FBXO25: variants seen among roughly 807,000 people sequenced by gnomAD.
The protein encoded by FBXO25 is F-box protein 25, also known as F-box only protein 25.
In FBXO25, 45 loss-of-function variants were observed where a neutral mutation model predicts 51.9. The observed-to-expected ratio is 0.87, with a 90% CI of 0.68 to 1.11. The LOEUF (loss-of-function observed/expected upper bound fraction) is 1.11, where lower values mean the gene tolerates loss of function less well. Ranked by LOEUF, FBXO25 falls within the 50% of genes most tolerant of loss-of-function variation. The pLI is 0.00. For synonymous variants in FBXO25, 199 were observed against 151.0 expected, an observed-to-expected ratio of 1.32 and a Z score of -2.33; for missense variants, 507 against 428.5, an observed-to-expected ratio of 1.18 and a Z score of -1.62.
At chr8:453,080 C>G (rs1406764281) in intron 7 of FBXO25, among the ~76,000 whole-genome samples, 1 of 152,224 alleles carries the variant, frequency 6.6e-6, no homozygotes, top group Non-Finnish European at 1.5e-5. Flanking sequence ...GCAGAGCACA[C>G]TTACGTGGCA....
chr8:447,496 G>A lies in FBXO25; in HGVS notation c.382-2494G>A, dbSNP rs116438250. 9.5e-3 allele frequency among the ~76,000 whole-genome samples: 1,449 copies of A among 152,274 alleles called. 20 individuals carry two copies. The highest frequency in any genetic ancestry group is 0.033 in the African/African-American group (1,353 of 41,564). ...ATGAAAAAAACAGGAAACTCATGAAGGAGTTCTGTGGCAGGAGATCCCAGT... is the reference window on the plus strand; with the variant it reads ...ATGAAAAAAACAGGAAACTCATGAAAGAGTTCTGTGGCAGGAGATCCCAGT... On this transcript the variant is annotated intron_variant, in intron 5 of 9. Transcript: ENST00000350302.
At position 424,349 on chromosome 8, in the gene FBXO25, CAGA is replaced by C; in HGVS notation, c.135-6989_135-6987del. 2.6e-5 allele frequency among the ~76,000 whole-genome samples: 4 copies of C among 152,234 alleles called. No homozygotes were observed. In the Middle Eastern group the frequency reaches 0.014, roughly 518 times the overall value. On this transcript the variant is annotated intron_variant, in intron 2 of 9. Coordinates refer to ENST00000350302, the MANE Select transcript of FBXO25 (RefSeq NM_183420.2). ...TCTGTCAATAGTTTCTCTTGCTGTGCAGAAGCTCTTTCATTTAATTAAATTCTA... is the reference window on the plus strand; with the variant it reads ...TCTGTCAATAGTTTCTCTTGCTGTGCAGCTCTTTCATTTAATTAAATTCTA...
At chr8:451,924 G>T (rs1799125127) in intron 7 of FBXO25, among the ~76,000 whole-genome samples, 1 of 152,046 alleles carries the variant, frequency 6.6e-6, no homozygotes, top group Admixed American at 6.5e-5. Context: ...CAGTTTTTTT[G>T]ATATTTTTTC....
In FBXO25 at chr8:424,394, T is replaced by A. The variant is rs528256781; in HGVS notation, c.135-6947T>A. On this transcript the variant is annotated intron_variant, in intron 2 of 9. Coordinates refer to ENST00000350302, the MANE Select transcript of FBXO25 (RefSeq NM_183420.2). The stretch of plus-strand genomic sequence containing the variant: ...TAAATTCTACTTGCCAATTTTTGTT[T>A]TTGTTGCATTTGTTTTTGGGAACTT... 3.9e-5 allele frequency among the ~76,000 whole-genome samples: 6 copies of A among 152,322 alleles called. No homozygotes were observed. The South Asian group carries it at 6.2e-4, about 16-fold the overall frequency.
chr8:412,460 C>G (rs1001966724), intron 1 of FBXO25, among the ~76,000 whole-genome samples: 1 of 152,212 alleles, frequency 6.6e-6, no homozygotes, highest in Non-Finnish European at 1.5e-5. Flanking sequence ...CTACTTTCCT[C>G]CAGGTGACCC....
At chr8:419,154 G>A (rs1195970653) in intron 2 of FBXO25, among the ~76,000 whole-genome samples, 2 of 151,870 alleles carry the variant, frequency 1.3e-5, no homozygotes, top group Non-Finnish European at 2.9e-5. Context: ...GAGGTCAGGA[G>A]TTCAAGACCA....
intron 3 of FBXO25, among the ~76,000 whole-genome samples, chr8:432,248 G>A (rs895335484): frequency 1.9e-4 from 29 of 152,090 alleles, no homozygotes; most frequent in African/African-American, 4.3e-4. Flanking sequence ...TGTAGGACTC[G>A]CTTGACAAAG....
intron 2 of FBXO25, among the ~76,000 whole-genome samples, chr8:425,585 T>C (rs943191923): frequency 2.0e-5 from 3 of 150,880 alleles, no homozygotes; most frequent in East Asian, 1.9e-4. Context: ...TTTTCAGTTA[T>C]ATGTTTAAAT....
intron 5 of FBXO25, among the ~76,000 whole-genome samples, chr8:447,978 G>C (rs1192534819): frequency 6.6e-6 from 1 of 152,126 alleles, no homozygotes; most frequent in Non-Finnish European, 1.5e-5. Context: ...GGGATTGGAA[G>C]GGCCCAGGAG....
intron 8 of FBXO25, 70 bp from the exon 9 acceptor site, chr8:462,937 A>T: frequency 2.0e-6 from 3 of 1,512,076 alleles, no homozygotes; most frequent in Non-Finnish European, 2.7e-6. Flanking sequence ...AAAATGAAAA[A>T]GTTTTACACC....
At chr8:461,201 C>G (rs1368397889) in intron 8 of FBXO25, among the ~76,000 whole-genome samples, 1 of 152,154 alleles carries the variant, frequency 6.6e-6, no homozygotes, top group African/African-American at 2.4e-5. Context: ...TTTGGTAACA[C>G]CTTTATTAAG....
At chr8:463,757 C>A (rs1799966958) in intron 9 of FBXO25, among the ~76,000 whole-genome samples, 1 of 151,870 alleles carries the variant, frequency 6.6e-6, no homozygotes, top group South Asian at 2.1e-4. Context: ...ACCATCCAGA[C>A]TGTGTGTCTA....
rs1297882851 is a variant in FBXO25, at chr8:475,079, A to G, written c.*6275A>G. The G allele has an allele frequency of 1.6e-5, 6 of 375,342 alleles. No homozygotes were observed. The highest frequency in any genetic ancestry group is 3.1e-5 in the Non-Finnish European group (6 of 194,878). 23.3% of individuals were successfully genotyped at this position (375,342 alleles called of 1,614,324 possible). On this transcript the variant is annotated 3_prime_UTR_variant, in exon 10 of 10. Transcript: ENST00000350302. ...TAAAAGTTTCCCTTATGTTTCTCCTAAATGTTTTAGTTTTAGCTCTTAGTT... is the reference window on the plus strand; with the variant it reads ...TAAAAGTTTCCCTTATGTTTCTCCTGAATGTTTTAGTTTTAGCTCTTAGTT...
At chr8:449,311 C>A (rs1463084980) in intron 5 of FBXO25, among the ~76,000 whole-genome samples, 2 of 152,232 alleles carry the variant, frequency 1.3e-5, no homozygotes, top group African/African-American at 2.4e-5. Context: ...AGCAGGGCAT[C>A]CCTGGAGGGG....
intron 5 of FBXO25, among the ~76,000 whole-genome samples, chr8:445,827 C>T (rs1407712004): frequency 6.6e-6 from 1 of 152,174 alleles, no homozygotes; most frequent in African/African-American, 2.4e-5. Context: ...GCCGAGATCG[C>T]GCCATTGCAC....
At chr8:416,140 T>C (rs1796786699) in intron 2 of FBXO25, among the ~76,000 whole-genome samples, 1 of 152,234 alleles carries the variant, frequency 6.6e-6, no homozygotes, top group Non-Finnish European at 1.5e-5. Flanking sequence ...TAAACTGATG[T>C]TTCTTGGTCA....
intron 1 of FBXO25, among the ~76,000 whole-genome samples, chr8:407,965 C>G (rs950812289): frequency 1.3e-5 from 2 of 152,192 alleles, no homozygotes; most frequent in African/African-American, 4.8e-5. Flanking sequence ...CCTTATGAAG[C>G]TGTCTCTTGC....
At position 449,975 on chromosome 8, in the gene FBXO25, C is replaced by T. The variant is rs374417607; in HGVS notation, c.382-15C>T. The T allele has an allele frequency of 2.8e-5, 45 of 1,579,400 alleles. No individual in the cohort carries two copies. Among genetic ancestry groups the T allele is most frequent in the African/African-American group, 1.9e-4 (14 of 73,790 alleles). On this transcript the variant is annotated splice_polypyrimidine_tract_variant and intron_variant, in intron 5 of 9. Transcript: ENST00000350302. ...ATATATATATCGCTCAGCTTTTTTC[C>T]GTCTTTCCTTTAAGCTGTTGCAGCT...
chr8:436,105 C>T (rs1048367691), intron 5 of FBXO25, among the ~76,000 whole-genome samples: 46 of 152,118 alleles, frequency 3.0e-4, no homozygotes, highest in African/African-American at 1.1e-3. Context: ...AGGCTTGTGT[C>T]GCAGAGGAAG....
Sources: gnomAD v4.1 joint callset for allele counts (sites outside exome capture counted in the v4.1 genomes callset) on GRCh38, gnomAD v4.1.1 for gene constraint, MANE v1.5 for transcripts, NCBI Gene and HGNC (gene_info 2026-07-23, HGNC 2026-07-21) for gene names.